CYP1A1: variants seen among roughly 807,000 people sequenced by gnomAD.
CYP1A1 encodes the protein cytochrome P450 family 1 subfamily A member 1, also known as cytochrome P450 1A1.
CYP1A1 carries 43 observed loss-of-function variants against 33.6 expected under a neutral mutation model. The observed-to-expected ratio is 1.28, with a 90% CI of 1.00 to 1.65. The LOEUF is 1.65. Ranked by LOEUF, CYP1A1 falls within the 40% of genes most tolerant of loss-of-function variation. The pLI is 0.00. For synonymous variants in CYP1A1, 280 were observed against 257.8 expected (o/e 1.09, Z -0.83); for missense variants, 637 against 653.7 (o/e 0.97, Z 0.28).
In CYP1A1 at chr15:74,722,257, T is replaced by C; in HGVS notation, c.825+16A>G. 7 of 1,596,874 alleles carry C rather than the reference T, an allele frequency of 4.4e-6. No homozygotes were observed. The highest frequency in any genetic ancestry group is 6.0e-6 in the Non-Finnish European group (7 of 1,166,674). ...ATCTGCTTCCCACCACCCACCTGCCTTTCCCCAGACTGTACCTTCTCAAAG... is the reference window on the plus strand; with the variant it reads ...ATCTGCTTCCCACCACCCACCTGCCCTTCCCCAGACTGTACCTTCTCAAAG... On this transcript the variant is annotated intron_variant, in intron 2 of 6. Transcript: ENST00000379727.
rs151244239 is a variant in CYP1A1, at chr15:74,722,512, T to C, written c.586A>G (p.Asn196Asp). ...PYRYVVVSVTNVICAICFGRR... is the reference protein window; with the variant it reads ...PYRYVVVSVTDVICAICFGRR... ...CCAAAGCAAATGGCACAGATGACATTGGTCACTGATACCACCACATACCTG... is the reference window on the plus strand; with the variant it reads ...CCAAAGCAAATGGCACAGATGACATCGGTCACTGATACCACCACATACCTG... Residue 196 changes from asparagine (N) to aspartate (D), a missense_variant, in exon 2 of 7, where the codon AAT becomes GAT. Transcript: ENST00000379727. The C allele has an allele frequency of 1.2e-6, 2 of 1,613,908 alleles. No homozygotes were observed. The highest frequency in any genetic ancestry group is 1.7e-5 in the Admixed American group (1 of 59,986).
Position 74,723,119 on chromosome 15 carries a change from G to T in CYP1A1, c.-22C>A, listed in dbSNP as rs1185004633. On this transcript the variant is annotated 5_prime_UTR_variant, in exon 2 of 7. Transcript: ENST00000379727. Reference sequence around the variant, plus strand: ...GCATGATCAGTGTAGGGATCTTGGAGGTGGCTGCTGAGAGAAGGTGCAGGA... The same window carrying T: ...GCATGATCAGTGTAGGGATCTTGGATGTGGCTGCTGAGAGAAGGTGCAGGA... 1 of 1,515,130 alleles carries T rather than the reference G, an allele frequency of 6.6e-7. No individual in the cohort carries two copies. The allele number at this position is 1,515,130 out of a possible 1,614,324, so 93.9% of individuals were successfully genotyped here.
Position 74,722,868 on chromosome 15 carries a change from C to A in CYP1A1, c.230G>T (p.Arg77Leu), listed in dbSNP as rs1450069713. 1 of 1,614,128 alleles carries A rather than the reference C, an allele frequency of 6.2e-7. No individual in the cohort carries two copies. Among genetic ancestry groups the A allele is most frequent in the Middle Eastern group, 1.6e-4 (1 of 6,062 alleles). ...SQQYGDVLQI[R>L]IGSTPVVVLS... ...CACCACCACGGGTGTGGAGCCAATT[C>A]GGATCTGCAGCACGTCCCCATACTG... Residue 77 changes from arginine (R) to leucine (L), a missense_variant, in exon 2 of 7, where the codon CGA (arginine) becomes CTA (leucine). Coordinates refer to ENST00000379727, the MANE Select transcript of CYP1A1 (RefSeq NM_001319217.2).
rs375315082 is a variant in CYP1A1 at position 74,723,027 on chromosome 15, C to T, written c.71G>A (p.Trp24Ter). 2.5e-6 allele frequency: 4 copies of T among 1,612,982 alleles called. No individual in the cohort carries two copies. The East Asian group carries it at 6.7e-5, about 27-fold the overall frequency. The change falls in exon 2 of 7, where the codon TGG (tryptophan) becomes TAG (stop). Residue 24 changes from tryptophan to a stop codon, truncating the protein, a stop_gained. Transcript: ENST00000379727. LOFTEE classifies it high-confidence loss of function. ...LASVIFCLVF[W>*]VIRASRPQVP... Reference sequence around the variant, plus strand: ...CTGAGGTCTTGAGGCCCTGATTACCCAGAATACCAGACAGAAGATGACAGA... The same window carrying T: ...CTGAGGTCTTGAGGCCCTGATTACCTAGAATACCAGACAGAAGATGACAGA...
rs746333343 is a variant in CYP1A1 at position 74,723,113 on chromosome 15, C to T, written c.-16G>A. 6.6e-7 allele frequency: 1 copy of T among 1,521,414 alleles called. No individual in the cohort carries two copies. Among genetic ancestry groups the T allele is most frequent in the Non-Finnish European group, 8.8e-7 (1 of 1,132,998 alleles). The allele number at this position is 1,521,414 out of a possible 1,614,324, so 94.2% of individuals were successfully genotyped here. A position where few individuals can be genotyped will look rare whatever the true frequency, so the allele number is the denominator to read the frequency against. On this transcript the variant is annotated 5_prime_UTR_variant, in exon 2 of 7. Coordinates refer to ENST00000379727, the MANE Select transcript of CYP1A1 (RefSeq NM_001319217.2). ...GGAAAAGCATGATCAGTGTAGGGAT[C>T]TTGGAGGTGGCTGCTGAGAGAAGGT...
At chr15:74,723,721 T>C (rs537126410) in intron 1 of CYP1A1, among the ~76,000 whole-genome samples, 1 of 152,266 alleles carries the variant, frequency 6.6e-6, no homozygotes, top group Admixed American at 6.5e-5. Flanking sequence ...GATCATCTGA[T>C]CCTTTAGCCT....
Position 74,720,388 on chromosome 15 carries a change from T to A in CYP1A1, c.*101A>T. On this transcript the variant is annotated 3_prime_UTR_variant, in exon 7 of 7. Coordinates refer to ENST00000379727, the MANE Select transcript of CYP1A1 (RefSeq NM_001319217.2). ...AAAACTGCAGCCAGATCAGTGTCTA[T>A]GAGTTTCAGGCTGAACCTTAGACCA... 1 of 1,322,780 alleles carries A rather than the reference T, an allele frequency of 7.6e-7. No homozygotes were observed. The highest frequency in any genetic ancestry group is 1.0e-6 in the Non-Finnish European group (1 of 973,052). The allele number at this position is 1,322,780 out of a possible 1,614,324, so 81.9% of individuals were successfully genotyped here.
rs2063167424 is a variant in CYP1A1 at position 74,721,254 on chromosome 15, A to T, written c.1111T>A (p.Phe371Ile). ...GAGTGTCGGAAGGTCTCCAGGATGAAGGCCTCCATATAGGGCAGATGGGAT... is the reference window on the plus strand; with the variant it reads ...GAGTGTCGGAAGGTCTCCAGGATGATGGCCTCCATATAGGGCAGATGGGAT... ...DRSHLPYMEA[F>I]ILETFRHSSF... The change falls in exon 5 of 7, where the codon TTC becomes ATC. Residue 371 changes from phenylalanine to isoleucine, a missense_variant. Physicochemically the swap from Phe to Ile is conservative, Grantham distance 21. Coordinates refer to ENST00000379727, the MANE Select transcript of CYP1A1 (RefSeq NM_001319217.2). The T allele has an allele frequency of 9.9e-6, 16 of 1,613,842 alleles. No individual in the cohort carries two copies. Among genetic ancestry groups the T allele is most frequent in the Non-Finnish European group, 1.4e-5 (16 of 1,179,918 alleles).
chr15:74,724,411 G>A (rs997422762), intron 1 of CYP1A1, among the ~76,000 whole-genome samples: 1 of 152,024 alleles, frequency 6.6e-6, no homozygotes, highest in African/African-American at 2.4e-5. Context: ...ATCTTGGACT[G>A]CACATTTTAC....
At position 74,722,558 on chromosome 15, in the gene CYP1A1, C is replaced by A. The variant is rs201933340; in HGVS notation, c.540G>T (p.Gly180=). 6.2e-7 allele frequency: 1 copy of A among 1,614,144 alleles called. No homozygotes were observed. Among genetic ancestry groups the A allele is most frequent in the East Asian group, 2.2e-5 (1 of 44,888 alleles). Reference sequence around the variant, plus strand: ...ACCTGTAGGGGTTAAAGTGCCCAGGCCCTGCCATCAGCTCCTGCAACGTGC... The same window carrying A: ...ACCTGTAGGGGTTAAAGTGCCCAGGACCTGCCATCAGCTCCTGCAACGTGC... ...LISTLQELMA[G]PGHFNPYRYV... Residue 180 remains glycine, a synonymous_variant, in exon 2 of 7, where the codon GGG becomes GGT. Coordinates refer to ENST00000379727, the MANE Select transcript of CYP1A1 (RefSeq NM_001319217.2).
In CYP1A1 at chr15:74,721,007, G is replaced by T. The variant is rs1171289597; in HGVS notation, c.1213C>A (p.Arg405Ser). 1.9e-6 allele frequency: 3 copies of T among 1,614,038 alleles called. No homozygotes were observed. The highest frequency in any genetic ancestry group is 2.7e-5 in the African/African-American group (2 of 74,920). The change falls in exon 6 of 7, where the codon CGT becomes AGT. Residue 405 changes from arginine (R) to serine (S), a missense_variant. Physicochemically the swap from Arg to Ser is moderately radical, Grantham distance 110 (BLOSUM62 -1). Coordinates refer to ENST00000379727, the MANE Select transcript of CYP1A1 (RefSeq NM_001319217.2). ...SLKGFYIPKG[R>S]CVFVNQWQIN... ...TGCCACTGGTTTACAAAGACACAAC[G>T]CCCCTTGGGGATGTAAAAGCCTTTC...
chr15:74,725,352 C>G (rs2063207585), intron 1 of CYP1A1, 89 bp downstream of exon 1: 2 of 152,228 alleles, frequency 1.3e-5, no homozygotes, highest in Non-Finnish European at 2.9e-5. Flanking sequence ...AGGTGCTAGA[C>G]AGGTAGCTAC....
chr15:74,723,169 TG>T (rs2063188563), intron 1 of CYP1A1, 43 bp from the exon 2 acceptor site: 6 of 1,198,740 alleles, frequency 5.0e-6, no homozygotes, highest in Non-Finnish European at 5.7e-6. Context: ...GCCGTCAGAT[TG>T]GGGGATGAGA....
In CYP1A1 at chr15:74,721,012, T is replaced by A; in HGVS notation, c.1208A>T (p.Lys403Met). 3.1e-6 allele frequency: 5 copies of A among 1,614,182 alleles called. No homozygotes were observed. The highest frequency in any genetic ancestry group is 4.2e-6 in the Non-Finnish European group (5 of 1,180,024). Reference sequence around the variant, plus strand: ...CTGGTTTACAAAGACACAACGCCCCTTGGGGATGTAAAAGCCTTTCAAACT... The same window carrying A: ...CTGGTTTACAAAGACACAACGCCCCATGGGGATGTAAAAGCCTTTCAAACT... ...DTSLKGFYIP[K>M]GRCVFVNQWQ... Residue 403 changes from lysine (K) to methionine (M), a missense_variant, in exon 6 of 7, where the codon AAG becomes ATG. Transcript: ENST00000379727.
chr15:74,721,167 T>A (rs754106318), intron 5 of CYP1A1, 32 bp downstream of exon 5: 1 of 1,608,974 alleles, frequency 6.2e-7, no homozygotes, highest in Non-Finnish European at 8.5e-7. Context: ...GTAAGATCAG[T>A]AACAGACAGC....
chr15:74,724,574 C>A (rs1488931809), intron 1 of CYP1A1, among the ~76,000 whole-genome samples: 1 of 151,282 alleles, frequency 6.6e-6, no homozygotes, highest in African/African-American at 2.4e-5. Context: ...GAGAACCTCA[C>A]AAGACAGGGA....
chr15:74,722,722 C>T lies in CYP1A1; in HGVS notation c.376G>A (p.Asp126Asn), dbSNP rs375219443. The T allele has an allele frequency of 8.0e-5, 129 of 1,613,242 alleles. No homozygotes were observed. The highest frequency in any genetic ancestry group is 5.3e-4 in the South Asian group (48 of 91,076). Residue 126 changes from aspartate to asparagine, a missense_variant, in exon 2 of 7, where the codon GAC becomes AAC. Coordinates refer to ENST00000379727, the MANE Select transcript of CYP1A1 (RefSeq NM_001319217.2). ...CGGGCAGCCCACACTGGTCCAGAGT[C>T]TGGGCTGAAGGACATGCTCTGACCA... ...SNGQSMSFSP[D>N]SGPVWAARRR...
intron 5 of CYP1A1, 25 bp downstream of exon 5, chr15:74,721,174 C>T (rs1246225066): frequency 6.2e-7 from 1 of 1,609,210 alleles, no homozygotes; most frequent in Non-Finnish European, 8.5e-7. Flanking sequence ...CAGTAACAGA[C>T]AGCAGTGGCT....
rs752565232 is a variant in CYP1A1 at position 74,722,300 on chromosome 15, G to A, written c.798C>T (p.Val266=). Residue 266 remains valine (V), a synonymous_variant, in exon 2 of 7, where the codon GTC becomes GTT. Transcript: ENST00000379727. The part of the protein sequence containing the change: ...EKFYSFMQKM[V]KEHYKTFEKG... ...TCTCAAAGGTTTTGTAGTGCTCCTT[G>A]ACCATCTTCTGCATGAAGCTGTAGA... The A allele has an allele frequency of 8.7e-6, 14 of 1,613,012 alleles. No homozygotes were observed. In the East Asian group the frequency reaches 1.6e-4, roughly 18 times the overall value.
Sources: gnomAD v4.1 joint callset for allele counts (sites outside exome capture counted in the v4.1 genomes callset) on GRCh38, gnomAD v4.1.1 for gene constraint, MANE v1.5 for transcripts, NCBI Gene and HGNC (gene_info 2026-07-23, HGNC 2026-07-21) for gene names.